Variants in SSRP1 observed in about 807,000 individuals in gnomAD.
SSRP1 encodes structure specific recognition protein 1, also known as FACT complex subunit SSRP1.
A neutral mutation model predicts 84.4 loss-of-function variants in SSRP1; 21 were observed. That is an observed-to-expected ratio of 0.25 (90% CI 0.18 to 0.36). SSRP1 has a LOEUF of 0.36. Among genes scored for constraint, SSRP1 ranks in the 10% least tolerant of loss-of-function variants. The pLI is 1.00. For missense variants in SSRP1, 519 were observed against 900.8 expected (o/e 0.58, Z 5.43); for synonymous variants, 319 against 318.3 (o/e 1.00, Z -0.02).
At position 57,326,118 on chromosome 11, in the gene SSRP1, A is replaced by C; in HGVS notation, c.*289T>G. On this transcript the variant is annotated 3_prime_UTR_variant, in exon 17 of 17. Coordinates refer to ENST00000278412, the MANE Select transcript of SSRP1 (RefSeq NM_003146.3). Reference sequence around the variant, plus strand: ...CCCCTGCTCCAGCAACTTGAACAGGACAAGCAGCAGCTACATCCTTAAGGT... The same window carrying C: ...CCCCTGCTCCAGCAACTTGAACAGGCCAAGCAGCAGCTACATCCTTAAGGT... 1 of 492,370 alleles carries C rather than the reference A, an allele frequency of 2.0e-6. No homozygotes were observed. The highest frequency in any genetic ancestry group is 2.8e-5 in the South Asian group (1 of 35,356). The allele number at this position is 492,370 out of a possible 1,614,324, so 30.5% of individuals were successfully genotyped here. A position where few individuals can be genotyped will look rare whatever the true frequency, so the allele number is the denominator to read the frequency against.
chr11:57,333,593 A>T (rs1009892044), intron 3 of SSRP1, 53 bp from the exon 4 acceptor site: 3 of 1,285,030 alleles, frequency 2.3e-6, no homozygotes, highest in Non-Finnish European at 2.3e-6. Flanking sequence ...TGGCCTTAAC[A>T]CCGACTTGAA....
intron 13 of SSRP1, 99 bp downstream of exon 13, chr11:57,328,198 C>A (rs1856022169): frequency 5.3e-6 from 8 of 1,520,068 alleles, no homozygotes; most frequent in Non-Finnish European, 7.1e-6. Flanking sequence ...CAAGGAAGAA[C>A]AGGTCCTACT....
intron 9 of SSRP1, among the ~76,000 whole-genome samples, chr11:57,331,269 C>T (rs946489689): frequency 2.6e-5 from 4 of 152,036 alleles, no homozygotes; most frequent in Admixed American, 6.6e-5. Context: ...GAGGATTACA[C>T]GTGAAGATGC....
chr11:57,330,608 G>A lies in SSRP1; in HGVS notation c.1297-179C>T. On this transcript the variant is annotated intron_variant, in intron 10 of 16. Transcript: ENST00000278412. The surrounding 1 kb of genome is among the most constrained non-coding windows in gnomAD (Gnocchi z 4.0). ...ATGCCCAAGTACTTCCTGCCAACTGGGTTAGTCCAAGCCCCAAGCCCCTCC... is the reference window on the plus strand; with the variant it reads ...ATGCCCAAGTACTTCCTGCCAACTGAGTTAGTCCAAGCCCCAAGCCCCTCC... The A allele has an allele frequency of 7.0e-7, 1 of 1,431,072 alleles. No homozygotes were observed. The highest frequency in any genetic ancestry group is 9.2e-7 in the Non-Finnish European group (1 of 1,091,938). The allele number at this position is 1,431,072 out of a possible 1,614,324, so 88.6% of individuals were successfully genotyped here. A position where few individuals can be genotyped will look rare whatever the true frequency, so the allele number is the denominator to read the frequency against.
chr11:57,327,338 T>C, intron 15 of SSRP1, 88 bp downstream of exon 15: 2 of 1,373,182 alleles, frequency 1.5e-6, no homozygotes, highest in Admixed American at 3.5e-5. Context: ...TCTGCTGTCT[T>C]TAACTTTCCA....
intron 9 of SSRP1, 87 bp from the exon 10 acceptor site, chr11:57,331,014 T>C: frequency 1.4e-6 from 2 of 1,468,318 alleles, no homozygotes; most frequent in Non-Finnish European, 1.9e-6. Flanking sequence ...TGAGCTGGGG[T>C]AGACTGTGGA....
chr11:57,327,686 A>G, intron 14 of SSRP1, 26 bp downstream of exon 14: 1 of 1,611,678 alleles, frequency 6.2e-7, no homozygotes, highest in East Asian at 2.2e-5. Flanking sequence ...CATGAGAGGC[A>G]TCACCCCTCC....
chr11:57,331,902 G>A lies in SSRP1; in HGVS notation c.1002-13C>T. On this transcript the variant is annotated splice_polypyrimidine_tract_variant and intron_variant, in intron 8 of 16. Transcript: ENST00000278412. The stretch of plus-strand genomic sequence containing the variant: ...GGCCCCTGAGTGCCTGACAGAGGGT[G>A]CAGGGAGCCTGGTTAGTGCCAACCT... The A allele has an allele frequency of 6.2e-7, 1 of 1,605,378 alleles. No individual in the cohort carries two copies. The highest frequency in any genetic ancestry group is 8.5e-7 in the Non-Finnish European group (1 of 1,175,788).
chr11:57,334,932 T>G, intron 2 of SSRP1, 136 bp downstream of exon 2: 3 of 1,027,936 alleles, frequency 2.9e-6, no homozygotes, highest in Non-Finnish European at 4.5e-6. Flanking sequence ...CTTGAGTTGG[T>G]GGAGACACTA....
Position 57,330,759 on chromosome 11 carries a change from G to A in SSRP1, c.1296+96C>T. On this transcript the variant is annotated intron_variant, in intron 10 of 16. Transcript: ENST00000278412. The surrounding 1 kb of genome is among the most constrained non-coding windows in gnomAD (Gnocchi z 4.0). ...TCTTTTTTCTATAAGGGTAAGAAGA[G>A]AAGAAAGAGTGAAAAAGAAGCCGGA... is the stretch of plus-strand genomic sequence containing the variant. The A allele has an allele frequency of 1.9e-6, 3 of 1,595,770 alleles. No homozygotes were observed. In the South Asian group the frequency reaches 3.4e-5, roughly 18 times the overall value.
At chr11:57,328,568 C>A in intron 12 of SSRP1, 142 bp from the exon 13 acceptor site, 1 of 1,172,566 alleles carries the variant, frequency 8.5e-7, no homozygotes, top group Non-Finnish European at 1.2e-6. Flanking sequence ...ACCACCAATC[C>A]CCAACACTGC....
At chr11:57,327,608 C>G (rs7129491) in intron 14 of SSRP1, 94 bp from the exon 15 acceptor site, 162,499 of 1,601,666 alleles carry the variant, frequency 0.1, 8,854 homozygotes, top group Non-Finnish European at 0.11. Context: ...AAAGTCCCAC[C>G]AATGGCTCAT....
chr11:57,330,863 A>C lies in SSRP1; in HGVS notation c.1288T>G (p.Leu430Val). The C allele has an allele frequency of 6.2e-7, 1 of 1,614,212 alleles. No individual in the cohort carries two copies. The highest frequency in any genetic ancestry group is 8.5e-7 in the Non-Finnish European group (1 of 1,180,020). Residue 430 changes from leucine to valine, a missense_variant, in exon 10 of 17, where the codon TTG becomes GTG. By Grantham distance (32) the Leu-to-Val change is conservative. This residue lies in a region of SSRP1 where 34 missense variants were observed against 34.3 expected (regional missense o/e 0.99). Transcript: ENST00000278412. This position sits in a 1 kb window ranked among gnomAD's most constrained non-coding sequence, Gnocchi z 4.0. ...TCCCCACACAGAAGTACCTCTTTCA[A>C]TCCTCGGTTTTTGATGTTGAGCTTT... Reference protein sequence around the residue: ...AKKLNIKNRGLKEGMNPSYDE... With the variant: ...AKKLNIKNRGVKEGMNPSYDE...
rs191469182 is a variant in SSRP1, at chr11:57,330,607, G to A, written c.1297-178C>T. The A allele has an allele frequency of 9.8e-6, 14 of 1,428,874 alleles. No homozygotes were observed. In the Admixed American group the frequency reaches 2.2e-4, roughly 22 times the overall value. 88.5% of individuals were successfully genotyped at this position (1,428,874 alleles called of 1,614,324 possible). A position where few individuals can be genotyped will look rare whatever the true frequency, so the allele number is the denominator to read the frequency against. On this transcript the variant is annotated intron_variant, in intron 10 of 16. Coordinates refer to ENST00000278412, the MANE Select transcript of SSRP1 (RefSeq NM_003146.3). The surrounding 1 kb of genome is among the most constrained non-coding windows in gnomAD (Gnocchi z 4.0). ...TATGCCCAAGTACTTCCTGCCAACT[G>A]GGTTAGTCCAAGCCCCAAGCCCCTC...
intron 4 of SSRP1, 25 bp from the exon 5 acceptor site, chr11:57,333,174 C>A (rs995716634): frequency 1.9e-6 from 3 of 1,588,354 alleles, no homozygotes. Flanking sequence ...CTTATCCAGC[C>A]ACAAGCTCCT....
At position 57,332,404 on chromosome 11, in the gene SSRP1, G is replaced by A. The variant is rs200509142; in HGVS notation, c.851C>T (p.Ser284Leu). The change falls in exon 7 of 17, where the codon TCG becomes TTG. Residue 284 changes from serine (S) to leucine (L), a missense_variant. Transcript: ENST00000278412. This position sits in a 1 kb window ranked among gnomAD's most constrained non-coding sequence, Gnocchi z 5.5. ...TCACTCGTTCATGTTCAGAGTCAAC[G>A]AAATGTCCTCGTCCTTGGAGAAGAG... ...ILLFSKDEDI[S>L]LTLNMNEEEV... is the part of the protein sequence containing the mutation. 3.9e-4 allele frequency: 635 copies of A among 1,614,142 alleles called. 4 individuals are homozygous for A. Among genetic ancestry groups the A allele is most frequent in the Non-Finnish European group, 9.7e-5 (114 of 1,180,032 alleles).
Position 57,326,719 on chromosome 11 carries a change from TTC to T in SSRP1, c.2040_2041del (p.Lys681GlufsTer8), listed in dbSNP as rs767763227. On this transcript the variant is annotated frameshift_variant, in exon 16 of 17. Transcript: ENST00000278412. LOFTEE classifies it high-confidence loss of function. ...CTGCCGCACCTCGCTCCTCCTCCTC[TTC>T]TTTTTGCTCTTGTTCTCTCCCGAAG... 8 of 1,613,590 alleles carry T rather than the reference TTC, an allele frequency of 5.0e-6. No individual in the cohort carries two copies. Among genetic ancestry groups the T allele is most frequent in the Non-Finnish European group, 6.8e-6 (8 of 1,179,784 alleles).
chr11:57,327,413 T>G lies in SSRP1; in HGVS notation c.1871+13A>C. On this transcript the variant is annotated intron_variant, in intron 15 of 16. Transcript: ENST00000278412. Reference sequence around the variant, plus strand: ...ACAAAAATCAGTGACTGGGCCATGTTCTCGACACTCACCTCTTAGAAGACT... The same window carrying G: ...ACAAAAATCAGTGACTGGGCCATGTGCTCGACACTCACCTCTTAGAAGACT... 3 of 1,613,310 alleles carry G rather than the reference T, an allele frequency of 1.9e-6. No homozygotes were observed. Among genetic ancestry groups the G allele is most frequent in the Non-Finnish European group, 2.5e-6 (3 of 1,179,582 alleles).
chr11:57,327,076 A>AG, intron 15 of SSRP1, 187 bp from the exon 16 acceptor site: 1 of 1,156,500 alleles, frequency 8.6e-7, no homozygotes, highest in Non-Finnish European at 1.2e-6. Context: ...GAAGAATCAG[A>AG]GGGCACAGCC....
Sources: allele counts gnomAD v4.1 joint callset (sites outside exome capture counted in the v4.1 genomes callset), GRCh38; gene constraint gnomAD v4.1.1; regional missense constraint gnomAD v4.1.1; non-coding constraint Gnocchi (gnomAD v3.1); transcripts MANE v1.5; gene names NCBI Gene and HGNC (gene_info 2026-07-23, HGNC 2026-07-21).